Variants in NRAP observed in about 807,000 individuals in gnomAD.
The protein encoded by NRAP is nebulin-related-anchoring protein.
NRAP carries 189 observed loss-of-function variants against 225.9 expected under a neutral mutation model. That is an observed-to-expected ratio of 0.84 (90% CI 0.74 to 0.94). NRAP has a LOEUF of 0.94. Among genes scored for constraint, NRAP ranks in the 40% least tolerant of loss-of-function variants. The probability of loss-of-function intolerance (pLI) is 0.00; values close to 1 mark genes in which losing one functional copy is unlikely to be tolerated. For missense variants in NRAP, 2,176 were observed against 2,168.7 expected, an observed-to-expected ratio of 1.00 and a Z score of -0.07; for synonymous variants, 769 against 790.7, an observed-to-expected ratio of 0.97 and a Z score of 0.46.
At position 113,645,807 on chromosome 10, in the gene NRAP, C is replaced by T; in HGVS notation, c.1110+18G>A. 2.4e-6 allele frequency: 3 copies of T among 1,240,828 alleles called. No homozygotes were observed. Among genetic ancestry groups the T allele is most frequent in the Non-Finnish European group, 3.5e-6 (3 of 846,902 alleles). The allele number at this position is 1,240,828 out of a possible 1,614,324, so 76.9% of individuals were successfully genotyped here. A position where few individuals can be genotyped will look rare whatever the true frequency, so the allele number is the denominator to read the frequency against. On this transcript the variant is annotated intron_variant, in intron 11 of 41. Coordinates refer to ENST00000359988, the MANE Select transcript of NRAP (RefSeq NM_198060.4). ...AAAGAGGTGATGCTCATGGGTGTGA[C>T]TCTTCCCCCATACGCACCTCACTCA...
At chr10:113,649,877 T>C (rs1178408532) in intron 9 of NRAP, among the ~76,000 whole-genome samples, 160 bp downstream of exon 9, 1 of 152,222 alleles carries the variant, frequency 6.6e-6, no homozygotes, top group Non-Finnish European at 1.5e-5. Flanking sequence ...CCCTGTGCAA[T>C]TGTTTGTCCA....
At chr10:113,589,355 T>C (rs962347962) in intron 41 of NRAP, 9 of 563,352 alleles carry the variant, frequency 1.6e-5, no homozygotes, top group Non-Finnish European at 2.2e-5. Context: ...TGACCCTTTC[T>C]GCGAATGTAA....
chr10:113,635,540 G>A (rs930953154), intron 14 of NRAP, among the ~76,000 whole-genome samples: 3 of 152,190 alleles, frequency 2.0e-5, no homozygotes, highest in Non-Finnish European at 2.9e-5. Flanking sequence ...TGATTCTCGC[G>A]CCTCAGCCTC....
intron 26 of NRAP, among the ~76,000 whole-genome samples, chr10:113,616,941 G>A (rs1847701128): frequency 6.6e-6 from 1 of 152,070 alleles, no homozygotes. Flanking sequence ...AGGGAAAAGG[G>A]TCAAATCTTG....
chr10:113,615,422 C>T lies in NRAP; in HGVS notation c.3078+290G>A, dbSNP rs574466970. Among the ~76,000 whole-genome samples the T allele has an allele frequency of 5.3e-5, 8 of 152,256 alleles. 1 individual carries two copies. Among genetic ancestry groups the T allele is most frequent in the African/African-American group, 1.9e-4 (8 of 41,556 alleles). On this transcript the variant is annotated intron_variant, in intron 27 of 41. Coordinates refer to ENST00000359988, the MANE Select transcript of NRAP (RefSeq NM_198060.4). ...ATATACTCAGCTATATTCTGATGTTCCCACTTTCCAGCTCCTCCAAACCAA... is the reference window on the plus strand; with the variant it reads ...ATATACTCAGCTATATTCTGATGTTTCCACTTTCCAGCTCCTCCAAACCAA...
chr10:113,647,146 C>T, intron 9 of NRAP, 119 bp from the exon 10 acceptor site: 5 of 709,404 alleles, frequency 7.0e-6, no homozygotes, highest in Non-Finnish European at 1.3e-5. Flanking sequence ...GGGTATTTCA[C>T]TGATGTCCAT....
chr10:113,641,832 C>T (rs960880053), intron 12 of NRAP, among the ~76,000 whole-genome samples: 5 of 152,162 alleles, frequency 3.3e-5, no homozygotes, highest in African/African-American at 9.7e-5. Context: ...ACTATGCGGA[C>T]GTCACATGCA....
Position 113,654,023 on chromosome 10 carries a change from C to T in NRAP, c.463G>A (p.Glu155Lys), listed in dbSNP as rs1469782810. ...AAAGCAATTTCTAGGGTGCTTACCT[C>T]ACCAAGAGACTTTCGAGCCTCAACC... ...RMVEARKSLG[E>K]EYTEDYEQPR... Residue 155 changes from glutamate (E) to lysine (K), a missense_variant and splice_region_variant, in exon 5 of 42, where the codon GAG becomes AAG. Coordinates refer to ENST00000359988, the MANE Select transcript of NRAP (RefSeq NM_198060.4). 1.1e-5 allele frequency: 17 copies of T among 1,604,028 alleles called. No homozygotes were observed. The highest frequency in any genetic ancestry group is 1.4e-5 in the Non-Finnish European group (16 of 1,171,014).
At chr10:113,624,455 G>C (rs1440894341) in intron 22 of NRAP, among the ~76,000 whole-genome samples, 1 of 152,136 alleles carries the variant, frequency 6.6e-6, no homozygotes, top group Non-Finnish European at 1.5e-5. Flanking sequence ...ATTTGCCCAA[G>C]GTCACACACC....
At chr10:113,601,604 A>G (rs926027207) in intron 35 of NRAP, among the ~76,000 whole-genome samples, 6 of 152,270 alleles carry the variant, frequency 3.9e-5, no homozygotes, top group African/African-American at 1.2e-4. Flanking sequence ...TGCCTTTAAA[A>G]TGTCAGCATA....
At chr10:113,596,230 A>G (rs2133846886) in intron 37 of NRAP, among the ~76,000 whole-genome samples, 1 of 152,368 alleles carries the variant, frequency 6.6e-6, no homozygotes, top group South Asian at 2.1e-4. Context: ...CACCTGGATC[A>G]CAGGAAGACA....
intron 14 of NRAP, among the ~76,000 whole-genome samples, chr10:113,635,229 AG>A (rs1848802471): frequency 6.6e-6 from 1 of 152,218 alleles, no homozygotes; most frequent in Admixed American, 6.5e-5. Context: ...CACCTGACCA[AG>A]ATCCACTGCA....
intron 29 of NRAP, 49 bp downstream of exon 29, chr10:113,614,134 G>T (rs185300433): frequency 1.2e-4 from 147 of 1,211,912 alleles, no homozygotes; most frequent in Non-Finnish European, 1.7e-4. Flanking sequence ...TGCAGTGAGC[G>T]TTGTCAGGTG....
chr10:113,597,023 C>G (rs1199858965), intron 37 of NRAP, 63 bp downstream of exon 37: 2 of 1,104,896 alleles, frequency 1.8e-6, no homozygotes. Flanking sequence ...TGTTCTTAGA[C>G]CCGGACCACT....
In NRAP at chr10:113,648,970, C is replaced by T. The variant is rs575862924; in HGVS notation, c.888+1067G>A. Among the ~76,000 whole-genome samples, 71 of 152,186 alleles carry T rather than the reference C, an allele frequency of 4.7e-4. No homozygotes were observed. The South Asian group carries it at 4.8e-3, about 10-fold the overall frequency. On this transcript the variant is annotated intron_variant, in intron 9 of 41. Coordinates refer to ENST00000359988, the MANE Select transcript of NRAP (RefSeq NM_198060.4). Reference sequence around the variant, plus strand: ...AAATACTTTTTGCCAAATATAGAAGCCAGATTTTTTTTAAGCTGATTTTTA... The same window carrying T: ...AAATACTTTTTGCCAAATATAGAAGTCAGATTTTTTTTAAGCTGATTTTTA...
chr10:113,629,128 G>A, intron 19 of NRAP, 107 bp from the exon 20 acceptor site: 1 of 818,312 alleles, frequency 1.2e-6, no homozygotes, highest in Non-Finnish European at 2.1e-6. Flanking sequence ...CTTCCTAGAA[G>A]AACTGCTCCC....
intron 14 of NRAP, 103 bp from the exon 15 acceptor site, chr10:113,634,313 C>T (rs751947378): frequency 3.3e-5 from 26 of 789,606 alleles, no homozygotes; most frequent in Non-Finnish European, 4.2e-5. Context: ...CAAATGGCTA[C>T]GTAGAAAAAG....
intron 27 of NRAP, 45 bp downstream of exon 27, chr10:113,615,667 C>G (rs1179442200): frequency 1.9e-6 from 2 of 1,075,800 alleles, no homozygotes; most frequent in African/African-American, 1.5e-5. Context: ...ATGACCAGCC[C>G]CGCTCTCCCG....
rs780613293 is a variant in NRAP, at chr10:113,595,744, C to T, written c.4432-17G>A. On this transcript the variant is annotated splice_polypyrimidine_tract_variant and intron_variant, in intron 37 of 41. Transcript: ENST00000359988. ...ATACATGCGCTGTAGATAAGATGGG[C>T]TCATGGTAAATAGAGAACTGTGTGG... 2 of 1,535,044 alleles carry T rather than the reference C, an allele frequency of 1.3e-6. No homozygotes were observed. The highest frequency in any genetic ancestry group is 1.4e-5 in the African/African-American group (1 of 73,380).
Sources: allele counts gnomAD v4.1 joint callset (sites outside exome capture counted in the v4.1 genomes callset), GRCh38; gene constraint gnomAD v4.1.1; transcripts MANE v1.5; gene names NCBI Gene and HGNC (gene_info 2026-07-23, HGNC 2026-07-21).